Variants in LRRC37A2 observed in about 807,000 individuals in gnomAD.
The protein encoded by LRRC37A2 is leucine-rich repeat-containing protein 37A2.
A neutral mutation model predicts 68.8 loss-of-function variants in LRRC37A2; 9 were observed. The ratio of observed to expected loss-of-function variants is 0.13; its 90% confidence interval spans 0.08 to 0.23. The LOEUF (loss-of-function observed/expected upper bound fraction) is 0.23, where lower values mean the gene tolerates loss of function less well. Among genes scored for constraint, LRRC37A2 ranks in the 10% least tolerant of loss-of-function variants. The probability of loss-of-function intolerance (pLI) is 1.00; values close to 1 mark genes in which losing one functional copy is unlikely to be tolerated. For missense variants in LRRC37A2, 168 were observed against 950.4 expected (o/e 0.18, Z 10.82); for synonymous variants, 63 against 367.6 (o/e 0.17, Z 9.48).
At chr17:46,726,309 A>T in the LRRC37A2 span, among the ~76,000 whole-genome samples, 1 of 152,216 alleles carries the variant, frequency 6.6e-6, no homozygotes, top group Non-Finnish European at 1.5e-5. Flanking sequence ...CAGTTGATTA[A>T]TGATCAGCTA....
chr17:46,999,816 T>C, the LRRC37A2 span, among the ~76,000 whole-genome samples: 34 of 151,134 alleles, frequency 2.2e-4, no homozygotes, highest in Middle Eastern at 6.8e-3. Context: ...CTGGCCAACA[T>C]AGTGGAACCC....
the LRRC37A2 span, chr17:46,851,833 A>C: frequency 6.3e-6 from 3 of 479,210 alleles, no homozygotes; most frequent in Non-Finnish European, 3.3e-6. The surrounding 1 kb of genome is among the most constrained non-coding windows in gnomAD (Gnocchi z 4.3). Context: ...TCTCGAACTC[A>C]GACCCTAGCC....
chr17:46,769,509 G>A, the LRRC37A2 span, among the ~76,000 whole-genome samples: 13 of 152,306 alleles, frequency 8.5e-5, no homozygotes, highest in African/African-American at 3.1e-4. Context: ...AAGGTGCACA[G>A]GATGGGTGGT....
At chr17:46,740,909 G>A in the LRRC37A2 span, among the ~76,000 whole-genome samples, 4 of 151,918 alleles carry the variant, frequency 2.6e-5, no homozygotes, top group South Asian at 2.1e-4. Context: ...TGATCTGCCC[G>A]TCTCAATATC....
the LRRC37A2 span, chr17:46,885,771 G>C: frequency 2.0e-5 from 3 of 152,256 alleles, no homozygotes; most frequent in African/African-American, 7.2e-5. Flanking sequence ...CAGGCTTCCT[G>C]GTGTAGCTGG....
the LRRC37A2 span, among the ~76,000 whole-genome samples, chr17:47,001,827 T>G: frequency 6.7e-6 from 1 of 150,096 alleles, no homozygotes; most frequent in Non-Finnish European, 1.5e-5. Flanking sequence ...GTTCAACAGA[T>G]TCTCCTGCCT....
At chr17:46,787,896 C>T in the LRRC37A2 span, among the ~76,000 whole-genome samples, 2 of 150,090 alleles carry the variant, frequency 1.3e-5, no homozygotes, top group African/African-American at 4.9e-5. Context: ...GCAGAGGTTT[C>T]AGTGAGCCGA....
the LRRC37A2 span, among the ~76,000 whole-genome samples, chr17:46,791,922 C>G: frequency 6.6e-6 from 1 of 152,152 alleles, no homozygotes; most frequent in Non-Finnish European, 1.5e-5. Context: ...CACTTGTAGT[C>G]CCAGCTACTG....
the LRRC37A2 span, among the ~76,000 whole-genome samples, chr17:46,775,762 CA>C: frequency 6.6e-6 from 1 of 151,842 alleles, no homozygotes; most frequent in East Asian, 1.9e-4. Flanking sequence ...TACAGGTGCC[CA>C]CCACCACGCC....
chr17:46,935,591 C>A, the LRRC37A2 span: 2 of 1,083,630 alleles, frequency 1.8e-6, no homozygotes, highest in African/African-American at 1.7e-5. Flanking sequence ...ATAACTAAAA[C>A]CTTTTGTATT....
the LRRC37A2 span, among the ~76,000 whole-genome samples, chr17:46,745,083 G>A: frequency 6.6e-6 from 1 of 151,884 alleles, no homozygotes; most frequent in African/African-American, 2.4e-5. Context: ...TTTGGGCACT[G>A]TGGACATTAA....
upstream of LRRC37A2, among the ~76,000 whole-genome samples, chr17:46,509,703 TCAA>T: frequency 8.8e-5 from 1 of 11,410 alleles, no homozygotes; most frequent in African/African-American, 4.3e-4. Context: ...GGTCAGGAGT[TCAA>T]GACCAGCCTG....
the LRRC37A2 span, among the ~76,000 whole-genome samples, chr17:46,395,400 G>C: frequency 2.0e-5 from 3 of 148,438 alleles, no homozygotes; most frequent in Admixed American, 2.0e-4. Context: ...TCAAAGGCTG[G>C]GTGCAGTGGC....
the LRRC37A2 span, among the ~76,000 whole-genome samples, chr17:46,739,879 T>C: frequency 2.0e-5 from 3 of 152,130 alleles, no homozygotes; most frequent in African/African-American, 7.2e-5. Flanking sequence ...TTTGTATTTT[T>C]AGCAGAGATG....
chr17:46,980,856 TA>T, the LRRC37A2 span, among the ~76,000 whole-genome samples: 6 of 150,898 alleles, frequency 4.0e-5, no homozygotes, highest in African/African-American at 9.7e-5. Context: ...TAAAATAAAA[TA>T]AAAAAAGAAA....
At chr17:46,766,137 G>A in the LRRC37A2 span, among the ~76,000 whole-genome samples, 5 of 152,214 alleles carry the variant, frequency 3.3e-5, no homozygotes, top group Admixed American at 1.3e-4. Flanking sequence ...GGCCGGGCGC[G>A]GTGGCTCACG....
chr17:46,905,839 G>T, the LRRC37A2 span, among the ~76,000 whole-genome samples: 3 of 151,172 alleles, frequency 2.0e-5, no homozygotes, highest in African/African-American at 4.9e-5. Context: ...TGGGGTAAGG[G>T]TATTGTGTGC....
the LRRC37A2 span, among the ~76,000 whole-genome samples, chr17:46,795,880 TCACA>T: frequency 6.6e-6 from 1 of 151,834 alleles, no homozygotes; most frequent in Admixed American, 6.6e-5. Flanking sequence ...CCTCTCTCTC[TCACA>T]CACACACACA....
chr17:46,771,534 C>A, the LRRC37A2 span, among the ~76,000 whole-genome samples: 1 of 148,828 alleles, frequency 6.7e-6, no homozygotes, highest in Non-Finnish European at 1.5e-5. Context: ...CTGGGAGCGG[C>A]GCTGACAGCC....
Sources: allele counts gnomAD v4.1 joint callset (sites outside exome capture counted in the v4.1 genomes callset), GRCh38; gene constraint gnomAD v4.1.1; non-coding constraint Gnocchi (gnomAD v3.1); transcripts MANE v1.5; gene names NCBI Gene and HGNC (gene_info 2026-07-23, HGNC 2026-07-21).